The following SSR1 variants were observed in gnomAD, a reference collection of about 807,000 sequenced individuals.
SSR1 encodes signal sequence receptor subunit 1, also known as translocon-associated protein subunit alpha.
Under a neutral mutation model 36.1 loss-of-function variants are expected in SSR1, and 13 were observed. The observed-to-expected ratio is 0.36, with a 90% CI of 0.23 to 0.57. The LOEUF (loss-of-function observed/expected upper bound fraction) is 0.57, where lower values mean the gene tolerates loss of function less well. Among genes scored for constraint, SSR1 ranks in the 20% least tolerant of loss-of-function variants. The probability of loss-of-function intolerance (pLI) is 0.81; values close to 1 mark genes in which losing one functional copy is unlikely to be tolerated. For synonymous variants in SSR1, 113 were observed against 118.9 expected, an observed-to-expected ratio of 0.95 and a Z score of 0.32; for missense variants, 291 against 338.5, an observed-to-expected ratio of 0.86 and a Z score of 1.10.
chr6:7,287,538 C>G lies in SSR1; in HGVS notation c.*2326G>C, dbSNP rs890156304. The G allele has an allele frequency of 6.6e-5, 10 of 152,114 alleles. No individual in the cohort carries two copies. Among genetic ancestry groups the G allele is most frequent in the Non-Finnish European group, 1.5e-4 (10 of 68,036 alleles). 9.4% of individuals were successfully genotyped at this position (152,114 alleles called of 1,614,324 possible). The stretch of plus-strand genomic sequence containing the variant: ...CTGAAAGTCACCAGCTATGTAAGAC[C>G]ATGAAGTAAATGAGGAAGCTATACA... On this transcript the variant is annotated 3_prime_UTR_variant, in exon 8 of 8. Transcript: ENST00000244763.
At chr6:7,311,830 C>T (rs1387286735) in intron 1 of SSR1, among the ~76,000 whole-genome samples, 1 of 152,084 alleles carries the variant, frequency 6.6e-6, no homozygotes, top group Non-Finnish European at 1.5e-5. Flanking sequence ...ATTCATGCTT[C>T]TTGAAAGTTT....
At chr6:7,296,644 T>A (rs1481526563) in intron 6 of SSR1, among the ~76,000 whole-genome samples, 1 of 150,286 alleles carries the variant, frequency 6.7e-6, no homozygotes, top group African/African-American at 2.5e-5. Flanking sequence ...TTTTGTAGGC[T>A]GGAGGGAAGG....
chr6:7,300,518 T>G (rs1757910299), intron 4 of SSR1, among the ~76,000 whole-genome samples: 1 of 152,210 alleles, frequency 6.6e-6, no homozygotes, highest in African/African-American at 2.4e-5. Flanking sequence ...ATGGTTCTAT[T>G]TTATCTATGA....
Position 7,309,283 on chromosome 6 carries a change from C to A in SSR1, c.192+634G>T, listed in dbSNP as rs187374944. Among the ~76,000 whole-genome samples the A allele has an allele frequency of 1.8e-4, 28 of 152,218 alleles. No homozygotes were observed. The East Asian group carries it at 5.2e-3, about 28-fold the overall frequency. On this transcript the variant is annotated intron_variant, in intron 2 of 7. Coordinates refer to ENST00000244763, the MANE Select transcript of SSR1 (RefSeq NM_003144.5). ...GACTAGCCTGGGCAACATAGCAAGA[C>A]CCTGTCTCTACAAAAAAAAATTACA...
chr6:7,307,349 A>T (rs931902816), intron 2 of SSR1, among the ~76,000 whole-genome samples: 1 of 152,196 alleles, frequency 6.6e-6, no homozygotes, highest in East Asian at 1.9e-4. Flanking sequence ...CTGATTTGAG[A>T]TAAGTAACAA....
chr6:7,311,005 G>C (rs920647724), intron 1 of SSR1, among the ~76,000 whole-genome samples: 1 of 152,232 alleles, frequency 6.6e-6, no homozygotes, highest in African/African-American at 2.4e-5. Flanking sequence ...GAAACTCTTA[G>C]AACTGGATAG....
intron 1 of SSR1, 55 bp downstream of exon 1, chr6:7,312,987 C>G: frequency 6.5e-7 from 1 of 1,538,154 alleles, no homozygotes; most frequent in Non-Finnish European, 8.8e-7. Context: ...TTCAAACTTG[C>G]CATCACTGGC....
In SSR1 at chr6:7,289,452, T is replaced by C. The variant is rs1757629808; in HGVS notation, c.*412A>G. 1 of 169,156 alleles carries C rather than the reference T, an allele frequency of 5.9e-6. No homozygotes were observed. 10.5% of individuals were successfully genotyped at this position (169,156 alleles called of 1,614,324 possible). On this transcript the variant is annotated 3_prime_UTR_variant, in exon 8 of 8. Transcript: ENST00000244763. ...TGAGCTATTCCAAAAATTGTTTTCT[T>C]TAAAACTGTTCAAGGCAGGACATCA...
At chr6:7,311,054 T>C (rs1424142117) in intron 1 of SSR1, among the ~76,000 whole-genome samples, 2 of 152,252 alleles carry the variant, frequency 1.3e-5, no homozygotes, top group Admixed American at 6.5e-5. Context: ...ATCATATCCA[T>C]GGTAAAAACT....
intron 1 of SSR1, among the ~76,000 whole-genome samples, chr6:7,311,491 A>C (rs1268201854): frequency 6.6e-6 from 1 of 152,224 alleles, no homozygotes; most frequent in Non-Finnish European, 1.5e-5. Context: ...ATATTAAAGA[A>C]CACTGAACCA....
At chr6:7,308,113 C>T (rs184438830) in intron 2 of SSR1, among the ~76,000 whole-genome samples, 26 of 152,194 alleles carry the variant, frequency 1.7e-4, no homozygotes, top group Admixed American at 5.9e-4. Context: ...GGGTTGAAGA[C>T]GTGGAGTCTT....
At chr6:7,298,485 G>A (rs1757851525) in intron 5 of SSR1, 1 of 412,638 alleles carries the variant, frequency 2.4e-6, no homozygotes, top group Non-Finnish European at 4.3e-6. Flanking sequence ...TAAGCATGAG[G>A]TAGAAAATTT....
At chr6:7,294,907 A>G in intron 7 of SSR1, 1 of 478,556 alleles carries the variant, frequency 2.1e-6, no homozygotes, top group Middle Eastern at 5.4e-4. Flanking sequence ...TGTATCTGTA[A>G]AATAAATTGT....
chr6:7,291,681 A>G (rs1250240889), intron 7 of SSR1, among the ~76,000 whole-genome samples: 1 of 60,474 alleles, frequency 1.7e-5, no homozygotes, highest in Non-Finnish European at 4.2e-5. Context: ...ATCTCTAAAT[A>G]AAACTTTTTC....
At chr6:7,308,069 T>C (rs537613493) in intron 2 of SSR1, among the ~76,000 whole-genome samples, 1 of 152,338 alleles carries the variant, frequency 6.6e-6, no homozygotes, top group East Asian at 1.9e-4. Flanking sequence ...AGAAATGTAT[T>C]AATCTAGTTA....
Position 7,288,055 on chromosome 6 carries a change from G to C in SSR1, c.*1809C>G, listed in dbSNP as rs1198986263. 1 of 152,198 alleles carries C rather than the reference G, an allele frequency of 6.6e-6. No individual in the cohort carries two copies. The highest frequency in any genetic ancestry group is 2.4e-5 in the African/African-American group (1 of 41,446). 9.4% of individuals were successfully genotyped at this position (152,198 alleles called of 1,614,324 possible). A position where few individuals can be genotyped will look rare whatever the true frequency, so the allele number is the denominator to read the frequency against. The stretch of plus-strand genomic sequence containing the variant: ...AGGGCTGACAGCTGTAACTCAGTGT[G>C]GTTTTGCAGCTGCCTACGTTAGTAC... On this transcript the variant is annotated 3_prime_UTR_variant, in exon 8 of 8. Transcript: ENST00000244763.
At chr6:7,299,085 T>C (rs1039359207) in intron 4 of SSR1, among the ~76,000 whole-genome samples, 1 of 152,086 alleles carries the variant, frequency 6.6e-6, no homozygotes, top group Non-Finnish European at 1.5e-5. Context: ...GCAGGAGGAC[T>C]GCTTGAACCC....
At chr6:7,297,871 G>C in intron 6 of SSR1, 52 bp downstream of exon 6, 2 of 1,434,494 alleles carry the variant, frequency 1.4e-6, no homozygotes, top group Non-Finnish European at 2.0e-6. Context: ...GCTTAACTTA[G>C]TACTTAACAA....
intron 3 of SSR1, among the ~76,000 whole-genome samples, chr6:7,301,852 G>T (rs931495261): frequency 6.6e-6 from 1 of 151,658 alleles, no homozygotes; most frequent in Non-Finnish European, 1.5e-5. Context: ...AAAAAGAGTT[G>T]CGTATTTTTG....
Sources: allele counts gnomAD v4.1 joint callset (sites outside exome capture counted in the v4.1 genomes callset), GRCh38; gene constraint gnomAD v4.1.1; transcripts MANE v1.5; gene names NCBI Gene and HGNC (gene_info 2026-07-23, HGNC 2026-07-21).